LRBA: variants seen among roughly 807,000 people sequenced by gnomAD.
LRBA encodes the protein lipopolysaccharide-responsive and beige-like anchor protein.
A neutral mutation model predicts 330.0 loss-of-function variants in LRBA; 176 were observed. The observed-to-expected ratio is 0.53, with a 90% CI of 0.47 to 0.60. The LOEUF is 0.60. Ranked by LOEUF, LRBA falls within the 20% of genes least tolerant of loss-of-function variation. The probability of loss-of-function intolerance (pLI) is 0.00; values close to 1 mark genes in which losing one functional copy is unlikely to be tolerated. For synonymous variants in LRBA, 1,230 were observed against 1,193.0 expected (o/e 1.03, Z -0.64); for missense variants, 3,259 against 3,444.8 (o/e 0.95, Z 1.35).
intron 56 of LRBA, among the ~76,000 whole-genome samples, chr4:150,266,503 A>G (rs1745358846): frequency 6.9e-6 from 1 of 145,284 alleles, no homozygotes; most frequent in African/African-American, 2.4e-5. Context: ...TAAACTGAGC[A>G]TAGCCAGATT....
chr4:150,976,744 C>A (rs1445717528), intron 2 of LRBA, among the ~76,000 whole-genome samples: 2 of 152,164 alleles, frequency 1.3e-5, no homozygotes, highest in African/African-American at 4.8e-5. Flanking sequence ...GTAAGCAAGA[C>A]AGTCTTGAAT....
At chr4:150,438,123 T>C (rs1751360655) in intron 44 of LRBA, among the ~76,000 whole-genome samples, 1 of 152,164 alleles carries the variant, frequency 6.6e-6, no homozygotes, top group African/African-American at 2.4e-5. Context: ...AAATCTCTAT[T>C]CCGTATTCAA....
intron 46 of LRBA, among the ~76,000 whole-genome samples, chr4:150,417,849 G>A (rs944655498): frequency 2.0e-5 from 3 of 152,050 alleles, no homozygotes; most frequent in Admixed American, 1.3e-4. Context: ...CATAGCAATT[G>A]TTACAAAAAT....
At chr4:150,396,357 T>A (rs1413937536) in intron 47 of LRBA, among the ~76,000 whole-genome samples, 1 of 152,090 alleles carries the variant, frequency 6.6e-6, no homozygotes, top group South Asian at 2.1e-4. Flanking sequence ...CCCTGGTTCT[T>A]AAGACTTCAC....
At chr4:150,805,229 GAA>G in intron 33 of LRBA, among the ~76,000 whole-genome samples, 2 of 140,336 alleles carry the variant, frequency 1.4e-5, no homozygotes, top group Non-Finnish European at 3.1e-5. Flanking sequence ...GAAAGGAAAG[GAA>G]AGGAAAAGGA....
chr4:150,543,326 A>T (rs1030503439), intron 40 of LRBA, among the ~76,000 whole-genome samples: 5 of 152,344 alleles, frequency 3.3e-5, no homozygotes, highest in Middle Eastern at 3.4e-3. Flanking sequence ...ATGTCCAGGA[A>T]TAACATTTCA....
intron 40 of LRBA, among the ~76,000 whole-genome samples, chr4:150,550,848 G>A (rs189723532): frequency 6.4e-4 from 97 of 152,200 alleles, no homozygotes; most frequent in African/African-American, 2.3e-3. Context: ...TTATATCAGG[G>A]CTTCCTCATA....
At chr4:150,327,005 G>A (rs2126950619) in intron 48 of LRBA, among the ~76,000 whole-genome samples, 1 of 152,162 alleles carries the variant, frequency 6.6e-6, no homozygotes, top group Non-Finnish European at 1.5e-5. Flanking sequence ...TCAAGAACAA[G>A]CTTGAGAAAA....
chr4:150,450,532 G>A (rs928292336), intron 44 of LRBA, among the ~76,000 whole-genome samples: 11 of 152,060 alleles, frequency 7.2e-5, no homozygotes, highest in Non-Finnish European at 1.2e-4. Context: ...TTTATATGAC[G>A]TTTTCATACA....
chr4:150,310,353 G>A lies in LRBA; in HGVS notation c.7725C>T (p.Ile2575=). 6.2e-7 allele frequency: 1 copy of A among 1,613,386 alleles called. No homozygotes were observed. Among genetic ancestry groups the A allele is most frequent in the Non-Finnish European group, 8.5e-7 (1 of 1,179,502 alleles). Reference sequence around the variant, plus strand: ...GAATACTTTGGTCTAAAAGGTCAGTGATTTGCCTCCTGTGCATTCCTGTAT... The same window carrying A: ...GAATACTTTGGTCTAAAAGGTCAGTAATTTGCCTCCTGTGCATTCCTGTAT... The part of the protein sequence containing the change: ...ASNTGMHRRQ[I]TDLLDQSIQV... The change falls in exon 52 of 57, where the codon ATC becomes ATT. Residue 2575 remains isoleucine (I), a synonymous_variant. Transcript: ENST00000651943.
rs1258467150 is a variant in LRBA, at chr4:150,562,898, C to G, written c.6330+25150G>C. Among the ~76,000 whole-genome samples the G allele has an allele frequency of 3.9e-5, 6 of 151,926 alleles. No homozygotes were observed. The East Asian group carries it at 1.2e-3, about 29-fold the overall frequency. ...CACTGCAGCCTTGAACTCCTGGGCT[C>G]CAGCAATCCTCTTATCTCAGCCTCT... is the stretch of plus-strand genomic sequence containing the variant. On this transcript the variant is annotated intron_variant, in intron 40 of 56. Transcript: ENST00000651943.
intron 52 of LRBA, among the ~76,000 whole-genome samples, chr4:150,306,429 G>T (rs1050670804): frequency 1.3e-5 from 2 of 152,056 alleles, no homozygotes; most frequent in Non-Finnish European, 2.9e-5. Context: ...TAAAATCACA[G>T]ACACATATTT....
chr4:150,382,391 AG>A (rs1298835946), intron 47 of LRBA, among the ~76,000 whole-genome samples: 1 of 152,172 alleles, frequency 6.6e-6, no homozygotes, highest in Non-Finnish European at 1.5e-5. Context: ...TGGGAGGTTA[AG>A]GTGGGTGGAT....
At chr4:150,601,927 A>G (rs564433684) in intron 37 of LRBA, among the ~76,000 whole-genome samples, 40 of 151,832 alleles carry the variant, frequency 2.6e-4, no homozygotes, top group Non-Finnish European at 5.2e-4. Flanking sequence ...TCCTGACCTC[A>G]TGATCCGCCC....
chr4:150,739,514 A>G (rs745455959), intron 35 of LRBA, among the ~76,000 whole-genome samples: 66 of 152,328 alleles, frequency 4.3e-4, no homozygotes, highest in Non-Finnish European at 7.6e-4. Flanking sequence ...TGACTTTCCT[A>G]ACCTCCTGGT....
At chr4:150,594,429 A>C (rs1436746415) in intron 38 of LRBA, among the ~76,000 whole-genome samples, 2 of 152,078 alleles carry the variant, frequency 1.3e-5, no homozygotes, top group East Asian at 3.8e-4. Context: ...TCAATCAACC[A>C]TTATAAACAA....
intron 2 of LRBA, among the ~76,000 whole-genome samples, chr4:150,936,106 G>T (rs999531071): frequency 6.6e-6 from 1 of 151,840 alleles, no homozygotes; most frequent in South Asian, 2.1e-4. Flanking sequence ...ATTTAACTTT[G>T]TTTGAAATTA....
At chr4:150,383,704 A>G (rs1473170775) in intron 47 of LRBA, among the ~76,000 whole-genome samples, 5 of 152,224 alleles carry the variant, frequency 3.3e-5, no homozygotes. Flanking sequence ...TATATAAAAG[A>G]CCAAGAGCAT....
chr4:150,526,748 A>G (rs1490607122), intron 40 of LRBA, among the ~76,000 whole-genome samples: 3 of 152,144 alleles, frequency 2.0e-5, no homozygotes, highest in Non-Finnish European at 4.4e-5. Context: ...ATAACATTTC[A>G]TCCATAATTT....
Sources: gnomAD v4.1 joint callset for allele counts (sites outside exome capture counted in the v4.1 genomes callset) on GRCh38, gnomAD v4.1.1 for gene constraint, MANE v1.5 for transcripts, NCBI Gene and HGNC (gene_info 2026-07-23, HGNC 2026-07-21) for gene names.